Variants in CNTN5 observed in about 807,000 individuals in gnomAD.
CNTN5 encodes the protein contactin-5.
A neutral mutation model predicts 129.1 loss-of-function variants in CNTN5; 77 were observed. The ratio of observed to expected loss-of-function variants is 0.60; its 90% CI spans 0.50 to 0.72. The LOEUF (loss-of-function observed/expected upper bound fraction) is 0.72, where lower values mean the gene tolerates loss of function less well. Ranked by LOEUF, CNTN5 falls within the 30% of genes least tolerant of loss-of-function variation. The pLI is 0.00. For missense variants in CNTN5, 1,478 were observed against 1,328.8 expected, an observed-to-expected ratio of 1.11 and a Z score of -1.75; for synonymous variants, 509 against 465.6, an observed-to-expected ratio of 1.09 and a Z score of -1.20.
At chr11:99,926,158 C>T (rs1426178159) in intron 7 of CNTN5, among the ~76,000 whole-genome samples, 1 of 152,020 alleles carries the variant, frequency 6.6e-6, no homozygotes, top group African/African-American at 2.4e-5. Flanking sequence ...CTTCAAAAAC[C>T]CTCTTTAAAA....
At chr11:99,222,285 A>G (rs1050142383) in intron 1 of CNTN5, among the ~76,000 whole-genome samples, 1 of 151,930 alleles carries the variant, frequency 6.6e-6, no homozygotes, top group Non-Finnish European at 1.5e-5. Context: ...AAATGTTTAT[A>G]CATATAGATA....
intron 2 of CNTN5, among the ~76,000 whole-genome samples, chr11:99,383,851 G>A (rs1352211225): frequency 6.6e-6 from 1 of 152,104 alleles, no homozygotes; most frequent in Non-Finnish European, 1.5e-5. Flanking sequence ...GACACAGAAG[G>A]CCTGCACAGA....
At chr11:99,506,073 T>A (rs1359817494) in intron 2 of CNTN5, among the ~76,000 whole-genome samples, 2 of 152,074 alleles carry the variant, frequency 1.3e-5, no homozygotes, top group Non-Finnish European at 2.9e-5. Flanking sequence ...GCATAATGCA[T>A]TCCAGCTTGT....
intron 1 of CNTN5, among the ~76,000 whole-genome samples, chr11:99,113,962 A>C (rs1315126579): frequency 6.6e-6 from 1 of 152,176 alleles, no homozygotes; most frequent in Admixed American, 6.5e-5. Flanking sequence ...ATCCCACAGC[A>C]CTTGGTGCAT....
chr11:99,511,974 A>G (rs1386293147), intron 2 of CNTN5, among the ~76,000 whole-genome samples: 1 of 152,234 alleles, frequency 6.6e-6, no homozygotes, highest in African/African-American at 2.4e-5. Flanking sequence ...TATAAAGTAA[A>G]TTAATTACAG....
At chr11:99,213,937 A>T (rs1253732594) in intron 1 of CNTN5, among the ~76,000 whole-genome samples, 2 of 152,158 alleles carry the variant, frequency 1.3e-5, no homozygotes, top group South Asian at 4.1e-4. Flanking sequence ...AAGTTGATAA[A>T]AAGATGGATA....
chr11:99,640,504 C>T (rs1951731952), intron 3 of CNTN5, among the ~76,000 whole-genome samples: 1 of 152,168 alleles, frequency 6.6e-6, no homozygotes, highest in Non-Finnish European at 1.5e-5. Context: ...TCAATTACCT[C>T]CTGCTGGGTC....
chr11:100,223,960 C>T (rs957280094), intron 15 of CNTN5, among the ~76,000 whole-genome samples: 1 of 151,026 alleles, frequency 6.6e-6, no homozygotes, highest in African/African-American at 2.4e-5. Flanking sequence ...ATCCCATGAA[C>T]TAAAACATTT....
chr11:100,077,081 G>A (rs1944161147), intron 13 of CNTN5, among the ~76,000 whole-genome samples: 1 of 152,078 alleles, frequency 6.6e-6, no homozygotes, highest in Non-Finnish European at 1.5e-5. Flanking sequence ...TTTAAAAGAA[G>A]TCTCAGTTAC....
intron 1 of CNTN5, among the ~76,000 whole-genome samples, chr11:99,201,433 T>G (rs1859202612): frequency 6.6e-6 from 1 of 151,878 alleles, no homozygotes; most frequent in Non-Finnish European, 1.5e-5. Flanking sequence ...TTTCCTTCCT[T>G]CCTTTCTTCC....
chr11:100,016,548 T>G (rs1302905868), intron 9 of CNTN5, among the ~76,000 whole-genome samples: 1 of 152,118 alleles, frequency 6.6e-6, no homozygotes, highest in Non-Finnish European at 1.5e-5. Flanking sequence ...TTCTACTTTA[T>G]ATGACAGTGA....
At chr11:99,528,690 G>A (rs994713810) in intron 2 of CNTN5, among the ~76,000 whole-genome samples, 1 of 152,188 alleles carries the variant, frequency 6.6e-6, no homozygotes, top group Non-Finnish European at 1.5e-5. Context: ...TAGGCTGAAA[G>A]CTTCAGGACT....
At chr11:99,795,060 G>A (rs889511574) in intron 3 of CNTN5, among the ~76,000 whole-genome samples, 5 of 152,176 alleles carry the variant, frequency 3.3e-5, no homozygotes, top group Non-Finnish European at 5.9e-5. Flanking sequence ...AGGGATGCCA[G>A]TGAATCATAG....
intron 3 of CNTN5, among the ~76,000 whole-genome samples, chr11:99,724,428 C>A (rs1394779682): frequency 6.6e-6 from 1 of 152,112 alleles, no homozygotes; most frequent in African/African-American, 2.4e-5. Context: ...TTCCATATAG[C>A]AACACCACTA....
At chr11:99,407,807 G>A (rs1942150100) in intron 2 of CNTN5, among the ~76,000 whole-genome samples, 1 of 152,110 alleles carries the variant, frequency 6.6e-6, no homozygotes, top group African/African-American at 2.4e-5. Context: ...GCAGGCATCA[G>A]GGGAGTTTGG....
intron 3 of CNTN5, among the ~76,000 whole-genome samples, chr11:99,740,214 A>G (rs757955284): frequency 3.9e-5 from 6 of 152,140 alleles, no homozygotes; most frequent in Non-Finnish European, 7.4e-5. Context: ...GTCAATAAGA[A>G]CTGTAGCTTT....
intron 13 of CNTN5, among the ~76,000 whole-genome samples, chr11:100,170,012 A>G (rs1340389023): frequency 1.3e-5 from 2 of 151,952 alleles, no homozygotes; most frequent in African/African-American, 4.8e-5. Context: ...CTGTTACTGT[A>G]TGAAAATACT....
chr11:99,194,852 G>A (rs771790689), intron 1 of CNTN5, among the ~76,000 whole-genome samples: 6 of 152,064 alleles, frequency 3.9e-5, no homozygotes, highest in Non-Finnish European at 7.4e-5. Flanking sequence ...CAATCCACCC[G>A]CCTTGTCCTC....
intron 7 of CNTN5, among the ~76,000 whole-genome samples, chr11:99,920,984 C>T (rs529660911): frequency 6.6e-6 from 1 of 152,018 alleles, no homozygotes; most frequent in Non-Finnish European, 1.5e-5. Context: ...AGAAGAGACA[C>T]CAGAGAGCTC....
Sources: allele counts gnomAD v4.1 joint callset (sites outside exome capture counted in the v4.1 genomes callset), GRCh38; gene constraint gnomAD v4.1.1; transcripts MANE v1.5; gene names NCBI Gene and HGNC (gene_info 2026-07-23, HGNC 2026-07-21).